GRIK2: variants seen among roughly 807,000 people sequenced by gnomAD.
GRIK2 encodes glutamate ionotropic receptor kainate type subunit 2.
GRIK2 carries 32 observed loss-of-function variants against 100.3 expected under a neutral mutation model. The observed-to-expected ratio is 0.32, with a 90% CI of 0.24 to 0.43. The LOEUF is 0.43. GRIK2 is among the 20% of genes least tolerant of loss of function. GRIK2 has a pLI of 1.00. For synonymous variants in GRIK2, 417 were observed against 389.4 expected (o/e 1.07, Z -0.83); for missense variants, 843 against 1,114.9 (o/e 0.76, Z 3.47).
chr6:101,450,383 T>C (rs2128248854), intron 2 of GRIK2, among the ~76,000 whole-genome samples: 1 of 151,854 alleles, frequency 6.6e-6, no homozygotes, highest in Non-Finnish European at 1.5e-5. Flanking sequence ...AGCATTGATC[T>C]CTTTGTTACT....
At chr6:101,919,315 G>A (rs1340306938) in intron 12 of GRIK2, among the ~76,000 whole-genome samples, 1 of 151,754 alleles carries the variant, frequency 6.6e-6, no homozygotes, top group South Asian at 2.1e-4. Flanking sequence ...AATGAAGTCG[G>A]TAAGATGAAT....
Position 101,894,429 on chromosome 6 carries a change from G to T in GRIK2, c.1748+4566G>T, listed in dbSNP as rs1787304666. On this transcript the variant is annotated intron_variant, in intron 12 of 16. Coordinates refer to ENST00000369134, the MANE Select transcript of GRIK2 (RefSeq NM_021956.5). ...GTTAATTAAGAGTAAGGATTAGCCT[G>T]GGATAGTGCTTTCTAGACATAGAAT... is the stretch of plus-strand genomic sequence containing the variant. Among the ~76,000 whole-genome samples the T allele has an allele frequency of 2.6e-5, 4 of 151,752 alleles. No homozygotes were observed. In the South Asian group the frequency reaches 6.2e-4, roughly 24 times the overall value.
chr6:101,907,641 C>T (rs1268060249), intron 12 of GRIK2, among the ~76,000 whole-genome samples: 1 of 150,910 alleles, frequency 6.6e-6, no homozygotes, highest in Non-Finnish European at 1.5e-5. Context: ...ATACTCGTAG[C>T]TAACATTGGG....
intron 4 of GRIK2, among the ~76,000 whole-genome samples, chr6:101,652,089 A>G (rs1376151658): frequency 6.6e-6 from 1 of 152,186 alleles, no homozygotes; most frequent in Non-Finnish European, 1.5e-5. Flanking sequence ...AATCTTGCCA[A>G]GAAAAGTTTC....
chr6:101,968,084 A>G (rs1792803378), intron 14 of GRIK2, among the ~76,000 whole-genome samples: 2 of 152,070 alleles, frequency 1.3e-5, no homozygotes, highest in Admixed American at 6.6e-5. Flanking sequence ...CTCCAGTAAT[A>G]CAATTTATTT....
chr6:101,648,658 T>C (rs985747162), intron 4 of GRIK2, among the ~76,000 whole-genome samples: 2 of 152,106 alleles, frequency 1.3e-5, no homozygotes, highest in African/African-American at 4.8e-5. Flanking sequence ...ATTCAAAGCA[T>C]AAAGATTGTT....
At chr6:101,538,788 C>A (rs1326117001) in intron 2 of GRIK2, among the ~76,000 whole-genome samples, 1 of 151,522 alleles carries the variant, frequency 6.6e-6, no homozygotes, top group Non-Finnish European at 1.5e-5. Flanking sequence ...AGAACAAGGA[C>A]AAATGGGTTC....
chr6:101,823,586 T>C (rs1039508423), intron 10 of GRIK2, among the ~76,000 whole-genome samples: 1 of 152,178 alleles, frequency 6.6e-6, no homozygotes, highest in Non-Finnish European at 1.5e-5. Flanking sequence ...TTTCAAATTA[T>C]ATTTTCATTT....
intron 10 of GRIK2, among the ~76,000 whole-genome samples, chr6:101,823,357 A>AT (rs71717742): frequency 4.6e-5 from 7 of 150,638 alleles, no homozygotes; most frequent in African/African-American, 7.3e-5. Flanking sequence ...TATTTTATAT[A>AT]TTTTTTTATT....
chr6:101,846,097 C>T (rs1783796167), intron 10 of GRIK2, among the ~76,000 whole-genome samples: 1 of 151,812 alleles, frequency 6.6e-6, no homozygotes, highest in Non-Finnish European at 1.5e-5. Flanking sequence ...TATTTTCTCC[C>T]ATTCTTTAGT....
intron 2 of GRIK2, among the ~76,000 whole-genome samples, chr6:101,577,885 G>A (rs1256045699): frequency 6.6e-6 from 1 of 152,268 alleles, no homozygotes; most frequent in Non-Finnish European, 1.5e-5. Context: ...GAGCTCCTGT[G>A]TTCCTGGGGA....
intron 4 of GRIK2, among the ~76,000 whole-genome samples, chr6:101,631,642 G>A (rs1780748094): frequency 6.6e-6 from 1 of 152,078 alleles, no homozygotes; most frequent in African/African-American, 2.4e-5. Flanking sequence ...CTAGAAACAT[G>A]AACATCTTCC....
chr6:101,573,308 C>A (rs911907706), intron 2 of GRIK2, among the ~76,000 whole-genome samples: 1 of 152,082 alleles, frequency 6.6e-6, no homozygotes, highest in African/African-American at 2.4e-5. Context: ...CTCAGACATG[C>A]TTGGGGTTGG....
At chr6:101,619,253 AG>A (rs1385262018) in intron 2 of GRIK2, among the ~76,000 whole-genome samples, 1 of 151,260 alleles carries the variant, frequency 6.6e-6, no homozygotes, top group Non-Finnish European at 1.5e-5. Context: ...TTGTCTTAAA[AG>A]GTTGCGTTAT....
chr6:101,580,141 A>G (rs1184666752), intron 2 of GRIK2, among the ~76,000 whole-genome samples: 4 of 152,134 alleles, frequency 2.6e-5, no homozygotes, highest in African/African-American at 7.2e-5. Context: ...CCTAATTAGT[A>G]TCTCATCTCT....
At chr6:101,604,549 AG>A (rs1388542396) in intron 2 of GRIK2, among the ~76,000 whole-genome samples, 1 of 151,914 alleles carries the variant, frequency 6.6e-6, no homozygotes, top group Admixed American at 6.6e-5. Context: ...GCCTTTGAGA[AG>A]AATAGCCATT....
intron 7 of GRIK2, among the ~76,000 whole-genome samples, chr6:101,789,378 T>C (rs1011254018): frequency 6.6e-6 from 1 of 152,204 alleles, no homozygotes; most frequent in South Asian, 2.1e-4. Context: ...GAATTAATTT[T>C]TGTATAAGGT....
chr6:101,634,572 A>T lies in GRIK2; in HGVS notation c.541+7935A>T, dbSNP rs112557424. Among the ~76,000 whole-genome samples the T allele has an allele frequency of 8.2e-3, 1,251 of 152,212 alleles. 17 individuals carry two copies. The highest frequency in any genetic ancestry group is 9.0e-3 in the Non-Finnish European group (610 of 67,984). ...ATTTGAACTTCTTTGTAGTATTAGG[A>T]AATGAAGAAAATCAACAAAAAACAA... On this transcript the variant is annotated intron_variant, in intron 4 of 16. Coordinates refer to ENST00000369134, the MANE Select transcript of GRIK2 (RefSeq NM_021956.5).
chr6:101,465,316 G>T (rs1771583609), intron 2 of GRIK2, among the ~76,000 whole-genome samples: 1 of 151,966 alleles, frequency 6.6e-6, no homozygotes, highest in East Asian at 1.9e-4. Flanking sequence ...TTCCACACTT[G>T]ATGTCCATGT....
Sources: allele counts gnomAD v4.1 joint callset (sites outside exome capture counted in the v4.1 genomes callset), GRCh38; gene constraint gnomAD v4.1.1; transcripts MANE v1.5; gene names NCBI Gene and HGNC (gene_info 2026-07-23, HGNC 2026-07-21).